Variants in FNDC3B observed in about 807,000 individuals in gnomAD.
FNDC3B encodes fibronectin type III domain-containing protein 3B.
In FNDC3B, 12 loss-of-function variants were observed where a neutral mutation model predicts 151.5. That is an observed-to-expected ratio of 0.08 (90% CI 0.05 to 0.13). FNDC3B has a LOEUF of 0.13. FNDC3B is among the 10% of genes least tolerant of loss of function. The pLI is 1.00. For synonymous variants in FNDC3B, 528 were observed against 549.0 expected, an observed-to-expected ratio of 0.96 and a Z score of 0.54; for missense variants, 1,214 against 1,505.3, an observed-to-expected ratio of 0.81 and a Z score of 3.20.
intron 2 of FNDC3B, among the ~76,000 whole-genome samples, chr3:172,125,657 A>T (rs772582683): frequency 7.2e-5 from 11 of 152,220 alleles, no homozygotes; most frequent in Admixed American, 5.2e-4. Context: ...TGAACACATT[A>T]GGTGGTTTTT....
intron 4 of FNDC3B, among the ~76,000 whole-genome samples, chr3:172,244,671 C>CTGGAG (rs1727685740): frequency 8.1e-6 from 1 of 123,748 alleles, no homozygotes; most frequent in African/African-American, 3.2e-5. Flanking sequence ...GTCACCCAGG[C>CTGGAG]TGGAGTGCAG....
intron 6 of FNDC3B, among the ~76,000 whole-genome samples, chr3:172,283,615 T>A (rs1052442690): frequency 6.6e-6 from 1 of 152,356 alleles, no homozygotes; most frequent in Middle Eastern, 3.4e-3. Flanking sequence ...TGAACATAAC[T>A]ATGTGAGTGT....
chr3:172,174,922 T>TCCC (rs1560001415), intron 3 of FNDC3B, among the ~76,000 whole-genome samples: 19 of 40,192 alleles, frequency 4.7e-4, no homozygotes, highest in African/African-American at 1.4e-3. Context: ...TTTGGAGACC[T>TCCC]TCCCCCCGCC....
Position 172,295,336 on chromosome 3 carries a change from C to T in FNDC3B, c.850-27C>T, listed in dbSNP as rs767368402. The T allele has an allele frequency of 1.3e-5, 20 of 1,595,034 alleles. 2 individuals are homozygous for T. In the South Asian group the frequency reaches 2.3e-4, roughly 18 times the overall value. On this transcript the variant is annotated intron_variant, in intron 7 of 25. Coordinates refer to ENST00000415807, the MANE Select transcript of FNDC3B (RefSeq NM_022763.4). ...TGAAAATGTAAAATGGATTTGAATA[C>T]TTTTGTCCCATGTTTTTCTTCCTCA...
intron 22 of FNDC3B, among the ~76,000 whole-genome samples, chr3:172,358,734 G>A (rs1260966438): frequency 6.6e-6 from 1 of 152,142 alleles, no homozygotes; most frequent in East Asian, 1.9e-4. Flanking sequence ...TTTTACTGTG[G>A]AGTATAAAAT....
At chr3:172,077,535 G>C (rs1040873493) in intron 1 of FNDC3B, among the ~76,000 whole-genome samples, 2 of 152,142 alleles carry the variant, frequency 1.3e-5, no homozygotes, top group Admixed American at 6.5e-5. Context: ...GTCCAAGTTA[G>C]CAGATGGCGA....
intron 1 of FNDC3B, among the ~76,000 whole-genome samples, chr3:172,111,105 A>G (rs938168704): frequency 6.6e-6 from 1 of 151,652 alleles, no homozygotes; most frequent in African/African-American, 2.4e-5. Context: ...TTAAAAAAAA[A>G]AAAAAAAAAA....
intron 3 of FNDC3B, among the ~76,000 whole-genome samples, chr3:172,193,532 A>G (rs1724670633): frequency 6.6e-6 from 1 of 150,380 alleles, no homozygotes; most frequent in Non-Finnish European, 1.5e-5. Flanking sequence ...TTGATTTGTA[A>G]TCTTATGCTT....
intron 3 of FNDC3B, among the ~76,000 whole-genome samples, chr3:172,220,933 A>C (rs115584540): frequency 6.6e-6 from 1 of 151,990 alleles, no homozygotes; most frequent in Non-Finnish European, 1.5e-5. Context: ...CTATTAAAAA[A>C]AAATAAATAA....
intron 1 of FNDC3B, among the ~76,000 whole-genome samples, chr3:172,062,122 A>T (rs1717231162): frequency 1.3e-5 from 2 of 152,104 alleles, no homozygotes; most frequent in Non-Finnish European, 2.9e-5. Context: ...ACATGTCCGG[A>T]AGCTGATCAG....
intron 3 of FNDC3B, among the ~76,000 whole-genome samples, chr3:172,169,877 G>T (rs1242863210): frequency 6.6e-6 from 1 of 152,104 alleles, no homozygotes; most frequent in East Asian, 1.9e-4. Context: ...CACAAAGAAG[G>T]AAATTCATTG....
intron 3 of FNDC3B, among the ~76,000 whole-genome samples, chr3:172,207,585 T>C (rs1416264309): frequency 3.3e-5 from 5 of 152,174 alleles, no homozygotes; most frequent in African/African-American, 1.2e-4. Context: ...ACAGGTGTGC[T>C]GATTGGTCCA....
At chr3:172,301,108 C>T (rs9840998) in intron 9 of FNDC3B, among the ~76,000 whole-genome samples, 85,351 of 151,994 alleles carry the variant, frequency 0.56, 25,925 homozygotes, top group African/African-American at 0.8. Flanking sequence ...TCTTTGGTCT[C>T]GCTTTGTCAT....
At chr3:172,293,750 T>C (rs1315954688) in intron 7 of FNDC3B, among the ~76,000 whole-genome samples, 1 of 152,188 alleles carries the variant, frequency 6.6e-6, no homozygotes, top group Non-Finnish European at 1.5e-5. Flanking sequence ...TCTATTTATA[T>C]GGAATAAATA....
intron 9 of FNDC3B, among the ~76,000 whole-genome samples, chr3:172,304,433 G>A (rs571627271): frequency 6.6e-6 from 1 of 152,350 alleles, no homozygotes; most frequent in South Asian, 2.1e-4. Context: ...CTGGGTGGAG[G>A]CAGAGAACCT....
intron 4 of FNDC3B, among the ~76,000 whole-genome samples, chr3:172,239,856 CTTTTTTTTTTTTTTT>C (rs71179981): frequency 1.0e-4 from 5 of 49,916 alleles, no homozygotes; most frequent in East Asian, 7.4e-4. Flanking sequence ...CATTTTAGTT[CTTTTTTTTTTTTTTT>C]TTTTTTTTTT....
chr3:172,203,936 C>G (rs1168837167), intron 3 of FNDC3B, among the ~76,000 whole-genome samples: 3 of 152,140 alleles, frequency 2.0e-5, no homozygotes, highest in African/African-American at 7.2e-5. Flanking sequence ...GACTGTCAGA[C>G]AAAGGCATTT....
intron 1 of FNDC3B, among the ~76,000 whole-genome samples, chr3:172,042,801 T>C (rs1157422541): frequency 6.6e-5 from 10 of 152,036 alleles, no homozygotes; most frequent in Non-Finnish European, 1.5e-4. Flanking sequence ...CTTTGAAATG[T>C]AGCTAGTGGA....
At chr3:172,092,154 C>A (rs1718868979) in intron 1 of FNDC3B, among the ~76,000 whole-genome samples, 1 of 152,112 alleles carries the variant, frequency 6.6e-6, no homozygotes, top group Non-Finnish European at 1.5e-5. Context: ...AGAAGAACAG[C>A]AAACCTCCTA....
Sources: allele counts gnomAD v4.1 joint callset (sites outside exome capture counted in the v4.1 genomes callset), GRCh38; gene constraint gnomAD v4.1.1; transcripts MANE v1.5; gene names NCBI Gene and HGNC (gene_info 2026-07-23, HGNC 2026-07-21).